RERE: variants seen among roughly 807,000 people sequenced by gnomAD.
RERE encodes the protein arginine-glutamic acid dipeptide repeats.
In RERE, 40 loss-of-function variants were observed where a neutral mutation model predicts 146.1. The observed-to-expected ratio is 0.27, with a 90% CI of 0.21 to 0.36. The LOEUF is 0.36. Among genes scored for constraint, RERE ranks in the 10% least tolerant of loss-of-function variants. The pLI, the probability that RERE is intolerant of heterozygous loss-of-function variation, is 1.00. For synonymous variants in RERE, 1,003 were observed against 866.0 expected, an observed-to-expected ratio of 1.16 and a Z score of -2.78; for missense variants, 1,933 against 2,138.7, an observed-to-expected ratio of 0.90 and a Z score of 1.90.
At chr1:8,562,738 C>T (rs2124436063) in intron 4 of RERE, among the ~76,000 whole-genome samples, 1 of 151,682 alleles carries the variant, frequency 6.6e-6, no homozygotes, top group Non-Finnish European at 1.5e-5. Flanking sequence ...AGTTTCAGGA[C>T]TCTGGGCAAA....
At chr1:8,585,332 T>C (rs1297643999) in intron 4 of RERE, among the ~76,000 whole-genome samples, 2 of 152,148 alleles carry the variant, frequency 1.3e-5, no homozygotes, top group Non-Finnish European at 2.9e-5. Context: ...TAAGACATCA[T>C]ATATAATATT....
chr1:8,445,439 C>T (rs753941842), intron 11 of RERE, among the ~76,000 whole-genome samples: 3 of 152,224 alleles, frequency 2.0e-5, no homozygotes, highest in Non-Finnish European at 2.9e-5. Flanking sequence ...ACCTTCCATT[C>T]TGTCACTTCA....
intron 1 of RERE, among the ~76,000 whole-genome samples, chr1:8,698,315 A>G (rs972671668): frequency 6.0e-5 from 9 of 150,366 alleles, no homozygotes; most frequent in Middle Eastern, 6.3e-3. Flanking sequence ...TTTCACTGTC[A>G]TTTTATTAAA....
intron 7 of RERE, among the ~76,000 whole-genome samples, chr1:8,529,385 G>T (rs1272371890): frequency 6.8e-6 from 1 of 147,674 alleles, no homozygotes; most frequent in Non-Finnish European, 1.5e-5. Flanking sequence ...CGGGTCCTAG[G>T]TTCACGCCAT....
chr1:8,583,336 A>T (rs1270708366), intron 4 of RERE, among the ~76,000 whole-genome samples: 2 of 152,212 alleles, frequency 1.3e-5, no homozygotes, highest in Non-Finnish European at 2.9e-5. Context: ...GTTGGAAGGG[A>T]TAAACTACCA....
At chr1:8,466,864 C>A (rs1644605103) in intron 10 of RERE, among the ~76,000 whole-genome samples, 2 of 152,194 alleles carry the variant, frequency 1.3e-5, no homozygotes, top group South Asian at 2.1e-4. Flanking sequence ...ATGCTCCAGA[C>A]ACTCCAAGTT....
chr1:8,390,321 G>A (rs917720785), intron 12 of RERE, among the ~76,000 whole-genome samples: 21 of 152,144 alleles, frequency 1.4e-4, no homozygotes, highest in African/African-American at 5.1e-4. Flanking sequence ...CCCCAGGTAG[G>A]GAAGCTGCTT....
chr1:8,644,599 T>A (rs78769214), intron 2 of RERE, among the ~76,000 whole-genome samples: 2,322 of 152,328 alleles, frequency 0.015, 61 homozygotes, highest in African/African-American at 0.053. Context: ...TTCAGTTACT[T>A]AGGGTTCAAA....
At chr1:8,675,598 C>G (rs1375976144) in intron 1 of RERE, among the ~76,000 whole-genome samples, 2 of 151,816 alleles carry the variant, frequency 1.3e-5, no homozygotes, top group African/African-American at 4.8e-5. Flanking sequence ...TGGTGGGCAC[C>G]TGTAATCCCA....
Position 8,736,851 on chromosome 1 carries a change from G to GAA in RERE, c.-145+80307_-145+80308dup, listed in dbSNP as rs34872965. ...TGTTACCTCTAGGAGAAGCAAGGGG[G>GAA]AAAAAAAAAAAAAAAAAAAAAAAAC... On this transcript the variant is annotated intron_variant, in intron 1 of 22. Coordinates refer to ENST00000400908, the MANE Select transcript of RERE (RefSeq NM_001042681.2). Among the ~76,000 whole-genome samples the GAA allele has an allele frequency of 4.1e-3, 409 of 99,778 alleles. 2 individuals are homozygous for GAA. Among genetic ancestry groups the GAA allele is most frequent in the African/African-American group, 0.014 (376 of 26,232 alleles). The allele number at this position is 99,778 out of a possible 152,430, so 65.5% of individuals were successfully genotyped here. A position where few individuals can be genotyped will look rare whatever the true frequency, so the allele number is the denominator to read the frequency against.
At chr1:8,689,083 T>A (rs1466501085) in intron 1 of RERE, among the ~76,000 whole-genome samples, 1 of 152,032 alleles carries the variant, frequency 6.6e-6, no homozygotes, top group Non-Finnish European at 1.5e-5. Flanking sequence ...TCTAAAGAAA[T>A]AGTTTTATCA....
At chr1:8,799,019 G>A (rs564145271) in intron 1 of RERE, among the ~76,000 whole-genome samples, 71 of 145,290 alleles carry the variant, frequency 4.9e-4, no homozygotes, top group African/African-American at 1.7e-3. Flanking sequence ...GTTTTGAGAC[G>A]GAGTTTAACC....
At chr1:8,387,157 G>T (rs769452458) in intron 12 of RERE, among the ~76,000 whole-genome samples, 14 of 152,160 alleles carry the variant, frequency 9.2e-5, no homozygotes, top group Non-Finnish European at 1.8e-4. Context: ...AAACAGCTTA[G>T]AAACAGATTC....
At chr1:8,497,831 A>AAAAACAAAAAAAAAAAAACAAAC (rs1645065537) in intron 8 of RERE, among the ~76,000 whole-genome samples, 1 of 152,246 alleles carries the variant, frequency 6.6e-6, no homozygotes, top group Non-Finnish European at 1.5e-5. Context: ...AAATAAACAA[A>AAAAACAAAAAAAAAAAAACAAAC]AAAACAAAAT....
chr1:8,776,715 TTTTTA>T (rs1211363182), intron 1 of RERE, among the ~76,000 whole-genome samples: 1 of 152,040 alleles, frequency 6.6e-6, no homozygotes, highest in Non-Finnish European at 1.5e-5. Flanking sequence ...CTTAAATTCT[TTTTTA>T]TTTTATTATC....
intron 1 of RERE, among the ~76,000 whole-genome samples, chr1:8,778,318 C>G (rs1297813365): frequency 6.6e-6 from 1 of 151,992 alleles, no homozygotes; most frequent in African/African-American, 2.4e-5. Flanking sequence ...TCAGGCATGC[C>G]AAAAATCACA....
intron 12 of RERE, among the ~76,000 whole-genome samples, chr1:8,398,878 GGAGTACATGA>G (rs1409872074): frequency 2.0e-5 from 3 of 152,116 alleles, no homozygotes; most frequent in African/African-American, 7.2e-5. Context: ...GCGGCCACTA[GGAGTACATGA>G]GAGTACCTGC....
At chr1:8,581,141 G>A (rs1570466816) in intron 4 of RERE, among the ~76,000 whole-genome samples, 1 of 152,300 alleles carries the variant, frequency 6.6e-6, no homozygotes, top group African/African-American at 2.4e-5. Context: ...TGACAACCTT[G>A]CTAACATTCA....
Position 8,360,494 on chromosome 1 carries a change from GGGGCT to G in RERE, c.3008_3012del (p.Gln1003ProfsTer98). Reference sequence around the variant, plus strand: ...AGGTTCTGGCTCTGGGTCAGCCCGGGGGGCTGGGCGGGCGAGGAGGGCAATGGCTG... The same window carrying G: ...AGGTTCTGGCTCTGGGTCAGCCCGGGGGGCGGGCGAGGAGGGCAATGGCTG... On this transcript the variant is annotated frameshift_variant, in exon 18 of 23. Coordinates refer to ENST00000400908, the MANE Select transcript of RERE (RefSeq NM_001042681.2). LOFTEE classifies it high-confidence loss of function. 1 of 1,376,518 alleles carries G rather than the reference GGGGCT, an allele frequency of 7.3e-7. No individual in the cohort carries two copies. Among genetic ancestry groups the G allele is most frequent in the Non-Finnish European group, 9.6e-7 (1 of 1,043,142 alleles). The allele number at this position is 1,376,518 out of a possible 1,614,324, so 85.3% of individuals were successfully genotyped here. A position where few individuals can be genotyped will look rare whatever the true frequency, so the allele number is the denominator to read the frequency against.
Sources: allele counts gnomAD v4.1 joint callset (sites outside exome capture counted in the v4.1 genomes callset), GRCh38; gene constraint gnomAD v4.1.1; transcripts MANE v1.5; gene names NCBI Gene and HGNC (gene_info 2026-07-23, HGNC 2026-07-21).